Variants in HEMK2 observed in about 807,000 individuals in gnomAD.
The protein encoded by HEMK2 is methyltransferase HEMK2.
At chr21:28,615,629 G>C in the HEMK2 span, among the ~76,000 whole-genome samples, 1 of 151,014 alleles carries the variant, frequency 6.6e-6, no homozygotes, top group African/African-American at 2.4e-5. Flanking sequence ...TTCCCTTCTG[G>C]TTATTTCAAA....
At chr21:28,841,144 A>G in the HEMK2 span, among the ~76,000 whole-genome samples, 1 of 24,974 alleles carries the variant, frequency 4.0e-5, no homozygotes, top group Non-Finnish European at 6.1e-5. Flanking sequence ...TATAATTTAT[A>G]TAATTATAAT....
the HEMK2 span, among the ~76,000 whole-genome samples, chr21:28,743,688 T>C: frequency 6.6e-5 from 10 of 152,150 alleles, no homozygotes; most frequent in Admixed American, 6.5e-5. Context: ...AAGGAATTCA[T>C]CCCATCTCTG....
At chr21:28,856,943 T>C in the HEMK2 span, among the ~76,000 whole-genome samples, 3 of 152,150 alleles carry the variant, frequency 2.0e-5, no homozygotes, top group East Asian at 5.8e-4. Context: ...AGGAGATCTG[T>C]TCATTCCCCT....
chr21:28,828,896 CTATA>C, the HEMK2 span, among the ~76,000 whole-genome samples: 3 of 152,078 alleles, frequency 2.0e-5, no homozygotes, highest in African/African-American at 7.2e-5. Context: ...TTTAATAAAA[CTATA>C]TATACAGTGA....
chr21:28,593,383 G>A, the HEMK2 span, among the ~76,000 whole-genome samples: 3 of 152,140 alleles, frequency 2.0e-5, no homozygotes, highest in Non-Finnish European at 4.4e-5. Context: ...CTTCAGATAA[G>A]ATACTCAACC....
At chr21:28,791,796 G>T in the HEMK2 span, among the ~76,000 whole-genome samples, 1 of 152,070 alleles carries the variant, frequency 6.6e-6, no homozygotes, top group African/African-American at 2.4e-5. Context: ...TCTTGAATAG[G>T]GGACGGGGAA....
chr21:28,731,814 G>GAAAAGAGAAA, the HEMK2 span, among the ~76,000 whole-genome samples: 74,067 of 150,840 alleles, frequency 0.49, 20,641 homozygotes, highest in East Asian at 0.78. Context: ...GGGCTAGAGA[G>GAAAAGAGAAA]AAAAGAGAAG....
the HEMK2 span, among the ~76,000 whole-genome samples, chr21:28,635,917 C>A: frequency 6.6e-6 from 1 of 151,968 alleles, no homozygotes; most frequent in Non-Finnish European, 1.5e-5. Context: ...TATTTTATTT[C>A]ATCTCATTTT....
At chr21:28,679,209 G>A in the HEMK2 span, among the ~76,000 whole-genome samples, 1 of 152,036 alleles carries the variant, frequency 6.6e-6, no homozygotes, top group African/African-American at 2.4e-5. Context: ...GATCTACCAA[G>A]CAAATGGAAA....
the HEMK2 span, among the ~76,000 whole-genome samples, chr21:28,737,445 C>T: frequency 1.3e-5 from 2 of 152,110 alleles, no homozygotes; most frequent in Non-Finnish European, 2.9e-5. Flanking sequence ...GTTTTATCCA[C>T]TTATTATAAA....
At chr21:28,793,693 T>C in the HEMK2 span, among the ~76,000 whole-genome samples, 1 of 152,164 alleles carries the variant, frequency 6.6e-6, no homozygotes, top group Admixed American at 6.5e-5. Flanking sequence ...TTGGTCCATA[T>C]CATTATTATG....
chr21:28,659,518 A>G, the HEMK2 span, among the ~76,000 whole-genome samples: 1 of 152,070 alleles, frequency 6.6e-6, no homozygotes, highest in African/African-American at 2.4e-5. Context: ...TTTTCTGTTC[A>G]AGAGGAAAGG....
chr21:28,827,454 A>G, the HEMK2 span, among the ~76,000 whole-genome samples: 1 of 152,248 alleles, frequency 6.6e-6, no homozygotes, highest in Non-Finnish European at 1.5e-5. Flanking sequence ...AAGACTGTCA[A>G]CAGCTACCAT....
At chr21:28,602,997 G>A in the HEMK2 span, among the ~76,000 whole-genome samples, 90,459 of 152,034 alleles carry the variant, frequency 0.59, 27,177 homozygotes, top group East Asian at 0.82. Context: ...ACTGCCCTCA[G>A]GGGTCCCTGA....
the HEMK2 span, among the ~76,000 whole-genome samples, chr21:28,825,668 G>GT: frequency 6.6e-6 from 1 of 152,338 alleles, no homozygotes; most frequent in African/African-American, 2.4e-5. Context: ...AATTCAATGC[G>GT]TAAGCAATCA....
the HEMK2 span, among the ~76,000 whole-genome samples, chr21:28,805,941 A>AC: frequency 6.6e-6 from 1 of 152,188 alleles, no homozygotes; most frequent in African/African-American, 2.4e-5. Context: ...CTCAGCCAGT[A>AC]CATAGTGTTT....
chr21:28,707,262 T>A, the HEMK2 span, among the ~76,000 whole-genome samples: 5 of 151,466 alleles, frequency 3.3e-5, no homozygotes, highest in Middle Eastern at 6.8e-3. Context: ...TTTAATTTTT[T>A]TTTTTTTTTT....
At chr21:28,616,466 T>G in the HEMK2 span, among the ~76,000 whole-genome samples, 1 of 152,184 alleles carries the variant, frequency 6.6e-6, no homozygotes, top group Non-Finnish European at 1.5e-5. Flanking sequence ...AAGTTATGAA[T>G]TTTTATGTAA....
At chr21:28,860,900 G>C in the HEMK2 span, among the ~76,000 whole-genome samples, 16 of 152,238 alleles carry the variant, frequency 1.1e-4, no homozygotes, top group Admixed American at 1.0e-3. Context: ...TGCTTGATTA[G>C]CTGAAATATG....
Sources: allele counts gnomAD v4.1 joint callset (sites outside exome capture counted in the v4.1 genomes callset), GRCh38; gene constraint gnomAD v4.1.1; transcripts MANE v1.5; gene names NCBI Gene and HGNC (gene_info 2026-07-23, HGNC 2026-07-21).